Variants in PRDM2 observed in about 807,000 individuals in gnomAD.
PRDM2 encodes PR domain zinc finger protein 2.
A neutral mutation model predicts 130.0 loss-of-function variants in PRDM2; 30 were observed. The ratio of observed to expected loss-of-function variants is 0.23; its 90% CI spans 0.17 to 0.31. The LOEUF is 0.31. PRDM2 is among the 10% of genes least tolerant of loss of function. PRDM2 has a pLI of 1.00. For missense variants in PRDM2, 2,011 were observed against 2,108.4 expected, an observed-to-expected ratio of 0.95 and a Z score of 0.90; for synonymous variants, 871 against 782.4, an observed-to-expected ratio of 1.11 and a Z score of -1.89.
rs1642025942 is a variant in PRDM2, at chr1:13,700,306, G to A, written c.-66+6G>A. The A allele has an allele frequency of 6.7e-6, 1 of 149,338 alleles. No individual in the cohort carries two copies. Among genetic ancestry groups the A allele is most frequent in the Admixed American group, 6.7e-5 (1 of 14,926 alleles). 9.3% of individuals were successfully genotyped at this position (149,338 alleles called of 1,614,324 possible). A position where few individuals can be genotyped will look rare whatever the true frequency, so the allele number is the denominator to read the frequency against. On this transcript the variant is annotated splice_donor_region_variant and intron_variant, in intron 1 of 9. Coordinates refer to ENST00000311066, the MANE Select transcript of PRDM2 (RefSeq NM_001393986.1). ...CGCTGGCGCGGCGGGCGCGGGTAAG[G>A]AGTGGCGCGGGTGGGCGGCCTCTGG...
At chr1:13,789,073 G>A (rs552314666) in intron 8 of PRDM2, among the ~76,000 whole-genome samples, 19 of 152,256 alleles carry the variant, frequency 1.2e-4, no homozygotes, top group Admixed American at 9.1e-4. Context: ...AGTGTCCCTG[G>A]CTCTGCCTGG....
Position 13,773,046 on chromosome 1 carries a change from G to A in PRDM2, c.512-32G>A, listed in dbSNP as rs980995692. 4 of 1,204,346 alleles carry A rather than the reference G, an allele frequency of 3.3e-6. No homozygotes were observed. In the African/African-American group the frequency reaches 4.8e-5, roughly 14 times the overall value. The allele number at this position is 1,204,346 out of a possible 1,614,324, so 74.6% of individuals were successfully genotyped here. On this transcript the variant is annotated intron_variant, in intron 6 of 9. Coordinates refer to ENST00000311066, the MANE Select transcript of PRDM2 (RefSeq NM_001393986.1). ...ATGAATGAATAAATAAAAAAAAAAT[G>A]AATGAATAAATTAAAAAAAATTGTG... is the stretch of plus-strand genomic sequence containing the variant.
chr1:13,717,488 A>G, intron 2 of PRDM2: 1 of 936,524 alleles, frequency 1.1e-6, no homozygotes, highest in Non-Finnish European at 1.3e-6. Context: ...CTGTTCAGAA[A>G]TCATTTATTT....
At chr1:13,794,535 A>G (rs916375908) in intron 8 of PRDM2, among the ~76,000 whole-genome samples, 1 of 152,148 alleles carries the variant, frequency 6.6e-6, no homozygotes, top group Admixed American at 6.5e-5. Context: ...GTAGTTCTGT[A>G]AGCGTAATCT....
intron 8 of PRDM2, among the ~76,000 whole-genome samples, chr1:13,807,021 T>A (rs951056821): frequency 9.9e-5 from 15 of 152,196 alleles, no homozygotes; most frequent in Non-Finnish European, 2.1e-4. Context: ...CACTCTGACC[T>A]TCACTCCTGT....
rs747273137 is a variant in PRDM2, at chr1:13,779,889, A to G, written c.2094A>G (p.Gln698=). 2 of 1,582,954 alleles carry G rather than the reference A, an allele frequency of 1.3e-6. No individual in the cohort carries two copies. Among genetic ancestry groups the G allele is most frequent in the Non-Finnish European group, 1.7e-6 (2 of 1,170,766 alleles). The part of the protein sequence containing the change: ...SSKLKQLLQT[Q]DKLTPAGISA... ...AGCTCAAACAACTTCTTCAAACCCA[A>G]GATAAACTAACTCCTGCAGGGATTT... is the stretch of plus-strand genomic sequence containing the variant. The change falls in exon 8 of 10, where the codon CAA becomes CAG. Residue 698 remains glutamine, a synonymous_variant. Transcript: ENST00000311066. This position sits in a 1 kb window ranked among gnomAD's most constrained non-coding sequence, Gnocchi z 4.9.
At chr1:13,733,222 T>G (rs903920203) in intron 4 of PRDM2, among the ~76,000 whole-genome samples, 1 of 152,240 alleles carries the variant, frequency 6.6e-6, no homozygotes, top group Non-Finnish European at 1.5e-5. Context: ...AAAGACACTC[T>G]ATGGTGGCTG....
intron 9 of PRDM2, among the ~76,000 whole-genome samples, chr1:13,819,506 AT>A (rs1325631599): frequency 6.6e-6 from 1 of 152,032 alleles, no homozygotes; most frequent in African/African-American, 2.4e-5. Context: ...CTTTTTTTCC[AT>A]TTTTTAAATT....
chr1:13,791,025 T>G (rs1320204799), intron 8 of PRDM2, among the ~76,000 whole-genome samples: 1 of 152,158 alleles, frequency 6.6e-6, no homozygotes, highest in African/African-American at 2.4e-5. Context: ...GGGAAAGTGA[T>G]TTTGTTCCAA....
rs368728183 is a variant in PRDM2 at position 13,702,143 on chromosome 1, C to T, written c.-66+1843C>T. On this transcript the variant is annotated intron_variant, in intron 1 of 9. Coordinates refer to ENST00000311066, the MANE Select transcript of PRDM2 (RefSeq NM_001393986.1). ...TCCTGTCTCTCTTGGTGTGGATATG[C>T]GTATTTCTTTCCTTATTTTACAGTT... Among the ~76,000 whole-genome samples the T allele has an allele frequency of 1.1e-4, 16 of 152,040 alleles. No homozygotes were observed. In the East Asian group the frequency reaches 2.5e-3, roughly 24 times the overall value.
intron 4 of PRDM2, chr1:13,738,868 T>C (rs1391104059): frequency 6.6e-6 from 1 of 152,104 alleles, no homozygotes; most frequent in Non-Finnish European, 1.5e-5. Context: ...GTCAGTTTTA[T>C]AATCTTCAAC....
chr1:13,736,239 G>C (rs181710865), intron 4 of PRDM2, among the ~76,000 whole-genome samples: 2 of 151,746 alleles, frequency 1.3e-5, no homozygotes, highest in African/African-American at 4.8e-5. Flanking sequence ...CTCCCGAGTA[G>C]CTGGGACAGG....
In PRDM2 at chr1:13,781,784, C is replaced by T. The variant is rs1401770567; in HGVS notation, c.3989C>T (p.Thr1330Ile). ...ACACACAATATTCCACAGACTTTCA[C>T]TACCGCCATTCGCTGCACAAAGTGT... The part of the protein sequence containing the change: ...FTTHNIPQTF[T>I]TAIRCTKCGK... The change falls in exon 8 of 10, where the codon ACT becomes ATT. Residue 1330 changes from threonine (T) to isoleucine (I), a missense_variant. This residue lies in a region of PRDM2 where 229 missense variants were observed against 364.1 expected (regional missense o/e 0.63). Coordinates refer to ENST00000311066, the MANE Select transcript of PRDM2 (RefSeq NM_001393986.1). The surrounding 1 kb of genome is among the most constrained non-coding windows in gnomAD (Gnocchi z 6.1). The T allele has an allele frequency of 2.5e-6, 4 of 1,614,106 alleles. No homozygotes were observed. Among genetic ancestry groups the T allele is most frequent in the East Asian group, 4.5e-5 (2 of 44,896 alleles).
chr1:13,752,025 A>G (rs1438358308), intron 6 of PRDM2, among the ~76,000 whole-genome samples: 2 of 147,664 alleles, frequency 1.4e-5, no homozygotes. Flanking sequence ...CCTGCTGTGT[A>G]CTAGGCACTC....
intron 2 of PRDM2, among the ~76,000 whole-genome samples, chr1:13,725,950 A>G (rs1642901502): frequency 6.6e-6 from 1 of 152,232 alleles, no homozygotes; most frequent in South Asian, 2.1e-4. Flanking sequence ...GTTACTCAGC[A>G]GGGCTGCTCT....
Position 13,700,546 on chromosome 1 carries a change from G to T in PRDM2, c.-66+246G>T, listed in dbSNP as rs1372568608. On this transcript the variant is annotated intron_variant, in intron 1 of 9. Transcript: ENST00000311066. ...CGCCGGGCTCCTCCTTGTCGGCCGT[G>T]GGGTCCCTGCGGCGAAGTTCGGGAT... Among the ~76,000 whole-genome samples, 16 of 151,390 alleles carry T rather than the reference G, an allele frequency of 1.1e-4. No individual in the cohort carries two copies. In the East Asian group the frequency reaches 2.8e-3, roughly 26 times the overall value.
intron 4 of PRDM2, among the ~76,000 whole-genome samples, chr1:13,741,482 G>T (rs907601314): frequency 3.9e-5 from 6 of 152,160 alleles, no homozygotes; most frequent in African/African-American, 1.2e-4. Flanking sequence ...CACTCCTGAA[G>T]TCCCTGCCAC....
At chr1:13,786,332 C>A (rs1039769994) in intron 8 of PRDM2, among the ~76,000 whole-genome samples, 1 of 152,096 alleles carries the variant, frequency 6.6e-6, no homozygotes, top group Non-Finnish European at 1.5e-5. Flanking sequence ...GAAATAAATG[C>A]GTGTAGTTCC....
chr1:13,740,275 A>G (rs1249828213), intron 4 of PRDM2, among the ~76,000 whole-genome samples: 2 of 152,220 alleles, frequency 1.3e-5, no homozygotes, highest in Non-Finnish European at 2.9e-5. Context: ...TTTCTTGGCA[A>G]CTATCTCTGT....
Sources: gnomAD v4.1 joint callset for allele counts (sites outside exome capture counted in the v4.1 genomes callset) on GRCh38, gnomAD v4.1.1 for gene constraint, gnomAD v4.1.1 regional missense constraint, Gnocchi (gnomAD v3.1) non-coding constraint, MANE v1.5 for transcripts, NCBI Gene and HGNC (gene_info 2026-07-23, HGNC 2026-07-21) for gene names.